The following ANKS1B variants were observed in gnomAD, a reference collection of about 807,000 sequenced individuals.
ANKS1B encodes ankyrin repeat and sterile alpha motif domain containing 1B.
A neutral mutation model predicts 148.3 loss-of-function variants in ANKS1B; 36 were observed. The observed-to-expected ratio is 0.24, with a 90% CI of 0.19 to 0.32. The LOEUF is 0.32. ANKS1B is among the 10% of genes least tolerant of loss of function. The pLI is 1.00. For synonymous variants in ANKS1B, 542 were observed against 560.8 expected, an observed-to-expected ratio of 0.97 and a Z score of 0.47; for missense variants, 1,157 against 1,542.6, an observed-to-expected ratio of 0.75 and a Z score of 4.19.
chr12:98,821,084 A>G (rs1471535176), intron 19 of ANKS1B, among the ~76,000 whole-genome samples: 2 of 152,214 alleles, frequency 1.3e-5, no homozygotes, highest in African/African-American at 4.8e-5. Flanking sequence ...TGGGGTGGGC[A>G]TTAACCTCAC....
chr12:99,167,340 T>C (rs1430868397), intron 14 of ANKS1B, among the ~76,000 whole-genome samples: 1 of 152,104 alleles, frequency 6.6e-6, no homozygotes, highest in African/African-American at 2.4e-5. Context: ...AATCATGTGA[T>C]AACAAATGTA....
chr12:99,631,833 T>C (rs1426358613), intron 9 of ANKS1B, among the ~76,000 whole-genome samples: 1 of 152,144 alleles, frequency 6.6e-6, no homozygotes, highest in East Asian at 1.9e-4. Flanking sequence ...AATTGAAAGA[T>C]TTGGAAAATG....
intron 10 of ANKS1B, among the ~76,000 whole-genome samples, chr12:99,467,292 AAAT>A (rs1309682106): frequency 6.6e-6 from 1 of 152,298 alleles, no homozygotes; most frequent in Non-Finnish European, 1.5e-5. Context: ...TTGTATCGCA[AAAT>A]AATAAGAGCT....
intron 9 of ANKS1B, among the ~76,000 whole-genome samples, chr12:99,597,312 C>T (rs1252683723): frequency 6.6e-6 from 1 of 151,762 alleles, no homozygotes; most frequent in Admixed American, 6.6e-5. Context: ...TAAATGTACA[C>T]ACACTGTTAT....
At chr12:99,586,167 G>T (rs556674108) in intron 9 of ANKS1B, among the ~76,000 whole-genome samples, 1 of 152,216 alleles carries the variant, frequency 6.6e-6, no homozygotes, top group African/African-American at 2.4e-5. Flanking sequence ...ATATAAAACT[G>T]AATGCTTTTA....
At chr12:98,987,023 G>A (rs2099923866) in intron 17 of ANKS1B, among the ~76,000 whole-genome samples, 1 of 151,938 alleles carries the variant, frequency 6.6e-6, no homozygotes, top group Admixed American at 6.6e-5. Flanking sequence ...CCTTTGAAAT[G>A]AGTAATTTTG....
At position 98,857,435 on chromosome 12, in the gene ANKS1B, T is replaced by G. The variant is rs547890223; in HGVS notation, c.2779-25299A>C. On this transcript the variant is annotated intron_variant, in intron 17 of 26. Coordinates refer to ENST00000683438, the MANE Select transcript of ANKS1B (RefSeq NM_001352186.2). ...GCTAGAGAGAGAGAACTGATTGAGC[T>G]TGAGGAGGGAGAGTGGGAAGGGACC... Among the ~76,000 whole-genome samples, 3 of 152,152 alleles carry G rather than the reference T, an allele frequency of 2.0e-5. No homozygotes were observed. In the South Asian group the frequency reaches 6.3e-4, roughly 32 times the overall value.
chr12:99,622,682 C>A (rs146890632), intron 9 of ANKS1B, among the ~76,000 whole-genome samples: 574 of 151,884 alleles, frequency 3.8e-3, no homozygotes, highest in African/African-American at 0.013. Context: ...ACACAACCTC[C>A]CAAAATTGAA....
intron 8 of ANKS1B, among the ~76,000 whole-genome samples, chr12:99,730,355 C>T (rs896893357): frequency 1.3e-5 from 2 of 152,094 alleles, no homozygotes; most frequent in Non-Finnish European, 2.9e-5. Flanking sequence ...GGGTGGCAGA[C>T]AATTGCACAC....
At chr12:99,253,825 G>A (rs1031255540) in intron 12 of ANKS1B, among the ~76,000 whole-genome samples, 3 of 152,122 alleles carry the variant, frequency 2.0e-5, no homozygotes, top group Admixed American at 6.6e-5. Flanking sequence ...ATCAGTAATG[G>A]AACAAATCAA....
intron 9 of ANKS1B, among the ~76,000 whole-genome samples, chr12:99,554,620 A>G (rs1240790165): frequency 6.6e-6 from 1 of 152,234 alleles, no homozygotes; most frequent in Admixed American, 6.5e-5. Flanking sequence ...ACCATAATCC[A>G]TGAAGAAAAG....
intron 14 of ANKS1B, among the ~76,000 whole-genome samples, chr12:99,242,612 A>G (rs1174381889): frequency 6.6e-6 from 1 of 152,236 alleles, no homozygotes; most frequent in East Asian, 1.9e-4. Context: ...AGAACAAACC[A>G]GGAGGCATCA....
chr12:99,481,354 T>C (rs2096407408), intron 10 of ANKS1B, among the ~76,000 whole-genome samples: 1 of 151,818 alleles, frequency 6.6e-6, no homozygotes, highest in African/African-American at 2.4e-5. Flanking sequence ...CAAAATACAT[T>C]ATTTTGTTCC....
chr12:99,582,473 A>G (rs1445044272), intron 9 of ANKS1B, among the ~76,000 whole-genome samples: 1 of 152,222 alleles, frequency 6.6e-6, no homozygotes, highest in Non-Finnish European at 1.5e-5. Flanking sequence ...ATCTAAAAAC[A>G]AACTGTTCAA....
At chr12:99,447,672 T>C (rs1781510452) in intron 10 of ANKS1B, among the ~76,000 whole-genome samples, 1 of 151,996 alleles carries the variant, frequency 6.6e-6, no homozygotes, top group African/African-American at 2.4e-5. Context: ...AAACAATTTA[T>C]GAAATAGGAG....
At position 99,899,264 on chromosome 12, in the gene ANKS1B, A is replaced by G. The variant is rs150161020; in HGVS notation, c.135-73875T>C. ...CAAATAAGTGGCAGAACTGAGATTCAAAAAGCAGATGGACTCAAAAATCTG... is the reference window on the plus strand; with the variant it reads ...CAAATAAGTGGCAGAACTGAGATTCGAAAAGCAGATGGACTCAAAAATCTG... On this transcript the variant is annotated intron_variant, in intron 1 of 26. Coordinates refer to ENST00000683438, the MANE Select transcript of ANKS1B (RefSeq NM_001352186.2). Among the ~76,000 whole-genome samples the G allele has an allele frequency of 3.2e-4, 49 of 152,330 alleles. No homozygotes were observed. The East Asian group carries it at 9.3e-3, about 29-fold the overall frequency.
intron 11 of ANKS1B, among the ~76,000 whole-genome samples, chr12:99,414,729 G>A (rs148293213): frequency 2.2e-3 from 334 of 152,268 alleles, no homozygotes; most frequent in African/African-American, 7.5e-3. Context: ...AATACCTAAC[G>A]TAAATGATGT....
intron 16 of ANKS1B, 32 bp downstream of exon 16, chr12:99,084,893 C>T (rs2051104751): frequency 6.5e-7 from 1 of 1,549,932 alleles, no homozygotes; most frequent in Non-Finnish European, 8.8e-7. Flanking sequence ...GGGAACCGTA[C>T]ACAGGACTAG....
intron 1 of ANKS1B, among the ~76,000 whole-genome samples, chr12:99,944,064 C>T (rs1483379816): frequency 6.6e-6 from 1 of 152,086 alleles, no homozygotes; most frequent in East Asian, 1.9e-4. Flanking sequence ...CCCACTCCTC[C>T]ACCCAAGGTT....
Sources: gnomAD v4.1 joint callset for allele counts (sites outside exome capture counted in the v4.1 genomes callset) on GRCh38, gnomAD v4.1.1 for gene constraint, MANE v1.5 for transcripts, NCBI Gene and HGNC (gene_info 2026-07-23, HGNC 2026-07-21) for gene names.